FAM110B: variants seen among roughly 807,000 people sequenced by gnomAD.
FAM110B encodes protein FAM110B.
FAM110B carries 6 observed loss-of-function variants against 20.4 expected under a neutral mutation model. That is an observed-to-expected ratio of 0.29 (90% CI 0.16 to 0.58). The LOEUF (loss-of-function observed/expected upper bound fraction) is 0.58, where lower values mean the gene tolerates loss of function less well. FAM110B is among the 20% of genes least tolerant of loss of function. The probability of loss-of-function intolerance (pLI) is 0.90; values close to 1 mark genes in which losing one functional copy is unlikely to be tolerated. For missense variants in FAM110B, 434 were observed against 498.2 expected (o/e 0.87, Z 1.23); for synonymous variants, 226 against 214.1 (o/e 1.06, Z -0.49).
chr8:58,146,826 G>A lies in FAM110B; in HGVS notation c.596G>A (p.Ser199Asn). ...GAGTCCTTCCTCCACGTGTCCCACAGCTCTTCGGACATCCGCAAGGTGACC... is the reference window on the plus strand; with the variant it reads ...GAGTCCTTCCTCCACGTGTCCCACAACTCTTCGGACATCCGCAAGGTGACC... ...SAESFLHVSH[S>N]SSDIRKVTSV... is the part of the protein sequence containing the mutation. The change falls in exon 4 of 4, where the codon AGC (serine) becomes AAC (asparagine). Residue 199 changes from serine (S) to asparagine (N), a missense_variant. Ser to Asn is a conservative substitution (Grantham distance 46, BLOSUM62 1). Transcript: ENST00000519262. 6.2e-7 allele frequency: 1 copy of A among 1,611,782 alleles called. No homozygotes were observed. Among genetic ancestry groups the A allele is most frequent in the Non-Finnish European group, 8.5e-7 (1 of 1,178,576 alleles).
At chr8:58,067,233 A>G (rs536007684) in intron 2 of FAM110B, among the ~76,000 whole-genome samples, 3 of 152,322 alleles carry the variant, frequency 2.0e-5, no homozygotes, top group Admixed American at 6.5e-5. Context: ...GAGGAAATCC[A>G]TGCAATGAGG....
intron 1 of FAM110B, among the ~76,000 whole-genome samples, chr8:58,006,923 A>ATATATATATATATATATATTTTT: frequency 7.9e-6 from 1 of 126,516 alleles, no homozygotes; most frequent in Non-Finnish European, 1.6e-5. Flanking sequence ...ATATATATAT[A>ATATATATATATATATATATTTTT]TTTTTCCAAA....
chr8:58,073,050 G>A (rs142532422), intron 2 of FAM110B, among the ~76,000 whole-genome samples: 58 of 152,334 alleles, frequency 3.8e-4, no homozygotes, highest in African/African-American at 1.1e-3. Flanking sequence ...GGGTTGACCT[G>A]TTAAAGTTGC....
intron 1 of FAM110B, among the ~76,000 whole-genome samples, chr8:58,018,615 A>G (rs934787343): frequency 6.6e-6 from 1 of 152,172 alleles, no homozygotes; most frequent in Admixed American, 6.5e-5. Flanking sequence ...GTAATTTACA[A>G]TGATATTAGA....
At chr8:58,097,371 G>A (rs1026655532) in intron 3 of FAM110B, among the ~76,000 whole-genome samples, 4 of 152,072 alleles carry the variant, frequency 2.6e-5, no homozygotes, top group Admixed American at 6.6e-5. Flanking sequence ...CAAAGTTGTC[G>A]TGCTGTGTTT....
chr8:58,145,241 C>T (rs767331262), intron 3 of FAM110B, among the ~76,000 whole-genome samples: 7 of 151,022 alleles, frequency 4.6e-5, no homozygotes, highest in Non-Finnish European at 8.8e-5. Context: ...GAACTCCATA[C>T]ACATTTGTGG....
intron 3 of FAM110B, chr8:58,106,435 A>G (rs1244586413): frequency 6.6e-6 from 1 of 152,236 alleles, no homozygotes; most frequent in Non-Finnish European, 1.5e-5. Context: ...GAATTAGTCA[A>G]CAAAGATGGA....
intron 1 of FAM110B, among the ~76,000 whole-genome samples, chr8:58,013,436 G>A (rs1804579076): frequency 6.6e-6 from 1 of 152,136 alleles, no homozygotes; most frequent in Non-Finnish European, 1.5e-5. Flanking sequence ...GTAAATAGTT[G>A]TTTATATATT....
chr8:58,017,155 C>T (rs1268625663), intron 1 of FAM110B, among the ~76,000 whole-genome samples: 1 of 152,204 alleles, frequency 6.6e-6, no homozygotes, highest in Non-Finnish European at 1.5e-5. Context: ...GCATGTGTTT[C>T]TTGCCCATCA....
chr8:58,062,918 G>A (rs192569540), intron 2 of FAM110B, among the ~76,000 whole-genome samples: 65 of 152,352 alleles, frequency 4.3e-4, no homozygotes, highest in Admixed American at 1.3e-3. Flanking sequence ...CTTCCTTAGC[G>A]ATGAGGACTT....
chr8:58,042,113 A>C (rs1805234491), intron 2 of FAM110B, among the ~76,000 whole-genome samples: 1 of 152,252 alleles, frequency 6.6e-6, no homozygotes, highest in Non-Finnish European at 1.5e-5. Flanking sequence ...TGTTATAATC[A>C]GGCAAAAATT....
Position 58,147,421 on chromosome 8 carries a change from T to G in FAM110B, c.*78T>G. 1 of 1,490,688 alleles carries G rather than the reference T, an allele frequency of 6.7e-7. No individual in the cohort carries two copies. The highest frequency in any genetic ancestry group is 9.1e-7 in the Non-Finnish European group (1 of 1,101,270). 92.3% of individuals were successfully genotyped at this position (1,490,688 alleles called of 1,614,324 possible). A position where few individuals can be genotyped will look rare whatever the true frequency, so the allele number is the denominator to read the frequency against. On this transcript the variant is annotated 3_prime_UTR_variant, in exon 4 of 4. Transcript: ENST00000519262. ...AGGTTGTGAGGTCTCCTTGAAGTGT[T>G]GTGAGCTTCTCCACTCTTTGTGTTG...
chr8:58,061,505 G>A (rs548422260), intron 2 of FAM110B, among the ~76,000 whole-genome samples: 1 of 152,172 alleles, frequency 6.6e-6, no homozygotes, highest in African/African-American at 2.4e-5. Flanking sequence ...AATTAAAATA[G>A]CTTCTCCTGA....
At chr8:58,091,088 A>C (rs1010044768) in intron 3 of FAM110B, among the ~76,000 whole-genome samples, 3 of 152,200 alleles carry the variant, frequency 2.0e-5, no homozygotes, top group African/African-American at 7.2e-5. Flanking sequence ...CTTCTACTAA[A>C]GCATGCTCTT....
intron 2 of FAM110B, among the ~76,000 whole-genome samples, chr8:58,041,923 G>A (rs1805228355): frequency 6.6e-6 from 1 of 152,176 alleles, no homozygotes; most frequent in Non-Finnish European, 1.5e-5. Context: ...TTATTTCCTT[G>A]AACTCTGATT....
At chr8:58,084,656 G>A (rs546109584) in intron 3 of FAM110B, among the ~76,000 whole-genome samples, 144 of 152,048 alleles carry the variant, frequency 9.5e-4, no homozygotes, top group Non-Finnish European at 1.9e-3. Flanking sequence ...TCAAAGTGCT[G>A]GGATTATAGG....
chr8:58,058,468 T>A (rs896411336), intron 2 of FAM110B, among the ~76,000 whole-genome samples: 1 of 151,926 alleles, frequency 6.6e-6, no homozygotes, highest in African/African-American at 2.4e-5. Context: ...GAGGCAAAAA[T>A]ACTAGTTGAA....
chr8:58,020,357 T>A (rs1804726478), intron 1 of FAM110B, among the ~76,000 whole-genome samples: 1 of 152,230 alleles, frequency 6.6e-6, no homozygotes. Context: ...TTTGAAATTT[T>A]AAAAATTTTC....
intron 2 of FAM110B, among the ~76,000 whole-genome samples, chr8:58,061,751 C>A (rs1805661908): frequency 6.6e-6 from 1 of 152,206 alleles, no homozygotes; most frequent in African/African-American, 2.4e-5. Flanking sequence ...TGTGCTCCTT[C>A]TCCCAGGTCA....
Sources: gnomAD v4.1 joint callset for allele counts (sites outside exome capture counted in the v4.1 genomes callset) on GRCh38, gnomAD v4.1.1 for gene constraint, MANE v1.5 for transcripts, NCBI Gene and HGNC (gene_info 2026-07-23, HGNC 2026-07-21) for gene names.